CEACAM4: variants seen among roughly 807,000 people sequenced by gnomAD.
The protein encoded by CEACAM4 is CEA cell adhesion molecule 4, also known as cell adhesion molecule CEACAM4.
A neutral mutation model predicts 28.7 loss-of-function variants in CEACAM4; 30 were observed. The ratio of observed to expected loss-of-function variants is 1.05; its 90% CI spans 0.78 to 1.42. The LOEUF (loss-of-function observed/expected upper bound fraction) is 1.42. CEACAM4 is among the 40% of genes most tolerant of loss of function. The pLI is 0.00. For missense variants in CEACAM4, 330 were observed against 308.2 expected (o/e 1.07, Z -0.53); for synonymous variants, 143 against 126.5 (o/e 1.13, Z -0.87).
downstream of CEACAM4, among the ~76,000 whole-genome samples, chr19:41,616,062 C>T (rs1232205418): frequency 6.6e-6 from 1 of 152,132 alleles, no homozygotes; most frequent in Non-Finnish European, 1.5e-5. Flanking sequence ...TGGAGCCTCA[C>T]TCTATCTCCC....
downstream of CEACAM4, among the ~76,000 whole-genome samples, chr19:41,616,487 T>TGATAGATAGATA (rs35437530): frequency 5.5e-5 from 8 of 146,452 alleles, no homozygotes; most frequent in Non-Finnish European, 1.2e-4. Flanking sequence ...TATAGATAGA[T>TGATAGATAGATA]GATAGATAGA....
chr19:41,616,538 TAGATAG>T (rs2070987270), downstream of CEACAM4, among the ~76,000 whole-genome samples: 1 of 118,110 alleles, frequency 8.5e-6, no homozygotes, highest in Non-Finnish European at 1.8e-5. Context: ...GATAGATAGA[TAGATAG>T]ATATTCAGAC....
downstream of CEACAM4, among the ~76,000 whole-genome samples, chr19:41,614,446 C>A (rs1555798593): frequency 6.6e-6 from 1 of 152,222 alleles, no homozygotes; most frequent in Admixed American, 6.5e-5. Context: ...GCTGTAGGGA[C>A]TAAACTGCAG....
chr19:41,613,770 G>A, the CEACAM4 span, among the ~76,000 whole-genome samples: 1 of 152,144 alleles, frequency 6.6e-6, no homozygotes, highest in Non-Finnish European at 1.5e-5. Flanking sequence ...CCATAGGGAG[G>A]AGGTCACCAG....
At chr19:41,618,149 C>G (rs1269906961), downstream of CEACAM4, among the ~76,000 whole-genome samples, 1 of 148,660 alleles carries the variant, frequency 6.7e-6, no homozygotes, top group East Asian at 1.9e-4. Context: ...GGGCTGAGAA[C>G]TGCTGTCCCA....
chr19:41,619,008 G>C (rs1212309127), downstream of CEACAM4: 3 of 356,238 alleles, frequency 8.4e-6, no homozygotes, highest in Non-Finnish European at 1.0e-5. Context: ...AGCAGAAAAA[G>C]AGCCAATGAG....
At chr19:41,624,911 C>T (rs146977864) in intron 2 of CEACAM4, among the ~76,000 whole-genome samples, 21 of 152,290 alleles carry the variant, frequency 1.4e-4, no homozygotes, top group African/African-American at 3.9e-4. Flanking sequence ...GCATGATCCC[C>T]GGTGGACAAG....
At position 41,620,248 on chromosome 19, in the gene CEACAM4, G is replaced by C. The variant is rs368033361; in HGVS notation, c.596-6C>G. ...TCTGTGAGAGGGACCATGGCCTGGG[G>C]ACAGAGACAGGAGTGAGCAGCAGGG... is the stretch of plus-strand genomic sequence containing the variant. On this transcript the variant is annotated splice_region_variant and splice_polypyrimidine_tract_variant and intron_variant, in intron 4 of 6. Coordinates refer to ENST00000221954, the MANE Select transcript of CEACAM4 (RefSeq NM_001817.4). 17 of 1,478,284 alleles carry C rather than the reference G, an allele frequency of 1.1e-5. No individual in the cohort carries two copies. Among genetic ancestry groups the C allele is most frequent in the Non-Finnish European group, 1.5e-5 (17 of 1,118,964 alleles). 91.6% of individuals were successfully genotyped at this position (1,478,284 alleles called of 1,614,324 possible). A position where few individuals can be genotyped will look rare whatever the true frequency, so the allele number is the denominator to read the frequency against.
At chr19:41,614,099 G>GT (rs555408047), downstream of CEACAM4, among the ~76,000 whole-genome samples, 28 of 152,272 alleles carry the variant, frequency 1.8e-4, no homozygotes, top group South Asian at 5.6e-3. Context: ...TCTAATTGTG[G>GT]TTTTTTCATT....
At chr19:41,619,627 C>T in intron 6 of CEACAM4, 43 bp downstream of exon 6, 28 of 1,576,302 alleles carry the variant, frequency 1.8e-5, no homozygotes, top group Non-Finnish European at 2.3e-5. Context: ...ATCCTGGGTC[C>T]CCTGGAGCCT....
chr19:41,619,152 A>T lies in CEACAM4; in HGVS notation c.*178T>A. 1.6e-6 allele frequency: 1 copy of T among 606,320 alleles called. No homozygotes were observed. Among genetic ancestry groups the T allele is most frequent in the Non-Finnish European group, 2.9e-6 (1 of 343,000 alleles). 37.6% of individuals were successfully genotyped at this position (606,320 alleles called of 1,614,324 possible). A position where few individuals can be genotyped will look rare whatever the true frequency, so the allele number is the denominator to read the frequency against. On this transcript the variant is annotated 3_prime_UTR_variant, in exon 7 of 7. Coordinates refer to ENST00000221954, the MANE Select transcript of CEACAM4 (RefSeq NM_001817.4). ...TCCCGGCCCACCCAGAGCCCAGGGC[A>T]ACCTGTCAGGGTCTCCAGATATTCA... is the stretch of plus-strand genomic sequence containing the variant.
chr19:41,617,952 A>G (rs1245463400), downstream of CEACAM4, among the ~76,000 whole-genome samples: 3 of 131,420 alleles, frequency 2.3e-5, no homozygotes, highest in Non-Finnish European at 5.3e-5. Flanking sequence ...TCCCGATATA[A>G]AACAACCCAT....
Position 41,621,688 on chromosome 19 carries a change from C to G in CEACAM4, c.505G>C (p.Ala169Pro), listed in dbSNP as rs557074639. The G allele has an allele frequency of 7.5e-6, 12 of 1,609,686 alleles. No individual in the cohort carries two copies. Among genetic ancestry groups the G allele is most frequent in the Middle Eastern group, 1.6e-4 (1 of 6,078 alleles). The change falls in exon 3 of 7, where the codon GCC (alanine) becomes CCC (proline). Residue 169 changes from alanine (A) to proline (P), a missense_variant. Physicochemically the swap from Ala to Pro is conservative, Grantham distance 27. Coordinates refer to ENST00000221954, the MANE Select transcript of CEACAM4 (RefSeq NM_001817.4). Reference protein sequence around the residue: ...GVLVGVALVAALVCFLLLSRT... With the variant: ...GVLVGVALVAPLVCFLLLSRT... ...GAGAGAAGCAGAAAACACACCAGGG[C>G]GGCCACCAGAGCCACCCCAACCAGG...
chr19:41,618,644 C>T (rs1246079122), downstream of CEACAM4, among the ~76,000 whole-genome samples: 3 of 152,176 alleles, frequency 2.0e-5, no homozygotes, highest in East Asian at 1.9e-4. Flanking sequence ...ACAGCCGCAA[C>T]CTATACCACC....
At chr19:41,615,157 A>G (rs1222017256), downstream of CEACAM4, among the ~76,000 whole-genome samples, 1 of 151,998 alleles carries the variant, frequency 6.6e-6, no homozygotes, top group Non-Finnish European at 1.5e-5. Flanking sequence ...GGCGGTGAAC[A>G]GAGGTGTGTT....
chr19:41,625,774 G>GTT lies in CEACAM4; in HGVS notation c.249_250dup (p.Thr84LysfsTer43). On this transcript the variant is annotated frameshift_variant, in exon 2 of 7. Transcript: ENST00000221954. LOFTEE classifies it high-confidence loss of function. ...CCCTGGGATATTTGCTTGAATGTCT[G>GTT]TTATATAACCAGCAATGAGAGGGCT... is the stretch of plus-strand genomic sequence containing the variant. 6.2e-7 allele frequency: 1 copy of GTT among 1,613,980 alleles called. No individual in the cohort carries two copies. The highest frequency in any genetic ancestry group is 8.5e-7 in the Non-Finnish European group (1 of 1,179,936).
At chr19:41,613,970 T>G in the CEACAM4 span, among the ~76,000 whole-genome samples, 2 of 152,268 alleles carry the variant, frequency 1.3e-5, no homozygotes, top group Non-Finnish European at 2.9e-5. Context: ...GCATTCTTAT[T>G]TAGCTGACTT....
intron 2 of CEACAM4, among the ~76,000 whole-genome samples, chr19:41,623,171 C>A (rs782599073): frequency 6.6e-6 from 1 of 152,162 alleles, no homozygotes; most frequent in Non-Finnish European, 1.5e-5. Context: ...CACCCACCAC[C>A]ATGCCTGCCT....
downstream of CEACAM4, among the ~76,000 whole-genome samples, chr19:41,614,602 G>A (rs1379518673): frequency 6.6e-6 from 1 of 152,106 alleles, no homozygotes; most frequent in Non-Finnish European, 1.5e-5. Context: ...CCTCCACCTT[G>A]TCCCTAAGTG....
Sources: gnomAD v4.1 joint callset for allele counts (sites outside exome capture counted in the v4.1 genomes callset) on GRCh38, gnomAD v4.1.1 for gene constraint, MANE v1.5 for transcripts, NCBI Gene and HGNC (gene_info 2026-07-23, HGNC 2026-07-21) for gene names.